Variants in DOCK4 observed in about 807,000 individuals in gnomAD.
The protein encoded by DOCK4 is dedicator of cytokinesis protein 4.
DOCK4 carries 97 observed loss-of-function variants against 268.1 expected under a neutral mutation model. That is an observed-to-expected ratio of 0.36 (90% CI 0.31 to 0.43). The LOEUF (loss-of-function observed/expected upper bound fraction) is 0.43. Ranked by LOEUF, DOCK4 falls within the 20% of genes least tolerant of loss-of-function variation. The pLI is 1.00. For synonymous variants in DOCK4, 954 were observed against 887.2 expected, an observed-to-expected ratio of 1.08 and a Z score of -1.34; for missense variants, 2,145 against 2,455.7, an observed-to-expected ratio of 0.87 and a Z score of 2.67.
intron 1 of DOCK4, among the ~76,000 whole-genome samples, chr7:112,056,282 T>C (rs1008191985): frequency 5.9e-5 from 9 of 151,918 alleles, no homozygotes; most frequent in African/African-American, 1.9e-4. Context: ...TTGATAGAGT[T>C]AGGTCCACAA....
intron 1 of DOCK4, among the ~76,000 whole-genome samples, chr7:112,195,187 G>T (rs1820310992): frequency 6.6e-6 from 1 of 152,154 alleles, no homozygotes; most frequent in Non-Finnish European, 1.5e-5. Context: ...GCTGAGACAG[G>T]AGAATCACCT....
At chr7:112,088,369 TAGATAAAAAAATG>T (rs1202390504) in intron 1 of DOCK4, among the ~76,000 whole-genome samples, 1 of 152,190 alleles carries the variant, frequency 6.6e-6, no homozygotes, top group African/African-American at 2.4e-5. Flanking sequence ...TAGATGTTTA[TAGATAAAAAAATG>T]TATCTCCTAT....
intron 36 of DOCK4, among the ~76,000 whole-genome samples, chr7:111,774,315 A>T (rs1798314187): frequency 6.6e-6 from 1 of 151,898 alleles, no homozygotes; most frequent in Non-Finnish European, 1.5e-5. Flanking sequence ...AAATACAAAA[A>T]ACTTTAGCTG....
At chr7:112,201,977 A>G (rs1820980662) in intron 1 of DOCK4, among the ~76,000 whole-genome samples, 1 of 152,224 alleles carries the variant, frequency 6.6e-6, no homozygotes, top group African/African-American at 2.4e-5. Context: ...CACTTACTTC[A>G]TTTACTATAA....
At chr7:111,848,496 C>A (rs34044747) in intron 23 of DOCK4, among the ~76,000 whole-genome samples, 1 of 152,154 alleles carries the variant, frequency 6.6e-6, no homozygotes, top group African/African-American at 2.4e-5. Flanking sequence ...TCAGAGCTTC[C>A]CACTCTTGTT....
chr7:111,861,980 A>AT (rs1392703285), intron 23 of DOCK4, among the ~76,000 whole-genome samples: 3 of 151,974 alleles, frequency 2.0e-5, no homozygotes, highest in African/African-American at 7.3e-5. Context: ...GACCTTGAGT[A>AT]TATCTGTGAT....
At chr7:112,153,554 A>G (rs1006073423) in intron 1 of DOCK4, among the ~76,000 whole-genome samples, 1 of 152,198 alleles carries the variant, frequency 6.6e-6, no homozygotes, top group African/African-American at 2.4e-5. Context: ...CAGCTTATCA[A>G]TTTAAGTTTT....
chr7:111,908,677 G>A (rs1791823715), intron 13 of DOCK4, among the ~76,000 whole-genome samples: 1 of 151,856 alleles, frequency 6.6e-6, no homozygotes. Context: ...TTACGTATTT[G>A]TCCTAATGCT....
At chr7:111,743,538 G>A (rs1388895694) in intron 44 of DOCK4, among the ~76,000 whole-genome samples, 1 of 152,202 alleles carries the variant, frequency 6.6e-6, no homozygotes, top group Non-Finnish European at 1.5e-5. Flanking sequence ...TGGAAGGGAT[G>A]TAGGAGGTGG....
At chr7:112,048,389 C>CAAAAAAAAAAA (rs59810546) in intron 1 of DOCK4, among the ~76,000 whole-genome samples, 29 of 72,106 alleles carry the variant, frequency 4.0e-4, no homozygotes, top group East Asian at 1.2e-3. Flanking sequence ...ACTAAAAATA[C>CAAAAAAAAAAA]AAAAAAAAAA....
At chr7:111,989,254 G>C in intron 5 of DOCK4, 91 bp from the exon 6 acceptor site, 1 of 1,535,764 alleles carries the variant, frequency 6.5e-7, no homozygotes, top group Non-Finnish European at 8.8e-7. Flanking sequence ...GCCCATTCTG[G>C]TTACCCACTA....
At chr7:112,129,207 A>G (rs1813568755) in intron 1 of DOCK4, among the ~76,000 whole-genome samples, 1 of 152,216 alleles carries the variant, frequency 6.6e-6, no homozygotes, top group African/African-American at 2.4e-5. Flanking sequence ...ATGGGATACT[A>G]TTCAGCAATA....
chr7:111,810,273 G>A (rs994659862), intron 28 of DOCK4, among the ~76,000 whole-genome samples: 1 of 151,902 alleles, frequency 6.6e-6, no homozygotes, highest in Non-Finnish European at 1.5e-5. Context: ...CCAATATGGT[G>A]AAACCCCGTC....
At chr7:111,800,579 TCTA>T (rs1800200937) in intron 30 of DOCK4, among the ~76,000 whole-genome samples, 1 of 152,192 alleles carries the variant, frequency 6.6e-6, no homozygotes, top group African/African-American at 2.4e-5. Flanking sequence ...GGTGTCAAAC[TCTA>T]CTGTCAGTTA....
At chr7:111,732,188 G>T (rs12705796) in intron 52 of DOCK4, 38 bp downstream of exon 52, 519,490 of 1,602,628 alleles carry the variant, frequency 0.32, 88,358 homozygotes, top group Non-Finnish European at 0.35. Context: ...AAGAAAACTG[G>T]GCCAGTCTCT....
At chr7:112,020,285 G>A (rs1370560211) in intron 1 of DOCK4, among the ~76,000 whole-genome samples, 2 of 152,170 alleles carry the variant, frequency 1.3e-5, no homozygotes, top group Middle Eastern at 3.4e-3. Flanking sequence ...AATCTAGTTG[G>A]GTCCTGCTAG....
At chr7:112,019,156 T>C (rs547509391) in intron 1 of DOCK4, among the ~76,000 whole-genome samples, 1 of 152,262 alleles carries the variant, frequency 6.6e-6, no homozygotes, top group South Asian at 2.1e-4. Context: ...TGGAAGACAA[T>C]TTAAAAAGTT....
chr7:112,025,029 A>G (rs1802650480), intron 1 of DOCK4, among the ~76,000 whole-genome samples: 1 of 150,268 alleles, frequency 6.7e-6, no homozygotes, highest in Non-Finnish European at 1.5e-5. Context: ...TAGTTTGCAT[A>G]ACACAGCTGG....
chr7:111,916,881 T>G (rs1054984629), intron 12 of DOCK4, among the ~76,000 whole-genome samples: 2 of 151,830 alleles, frequency 1.3e-5, no homozygotes, highest in African/African-American at 4.8e-5. Context: ...TCTCTAGTGG[T>G]GATTTGTGAG....
Sources: allele counts gnomAD v4.1 joint callset (sites outside exome capture counted in the v4.1 genomes callset), GRCh38; gene constraint gnomAD v4.1.1; transcripts MANE v1.5; gene names NCBI Gene and HGNC (gene_info 2026-07-23, HGNC 2026-07-21).